B3GALT1: variants seen among roughly 807,000 people sequenced by gnomAD.
B3GALT1 encodes the protein beta-1,3-galactosyltransferase 1.
A neutral mutation model predicts 23.2 loss-of-function variants in B3GALT1; 10 were observed. The observed-to-expected ratio is 0.43, with a 90% CI of 0.27 to 0.73. The LOEUF (loss-of-function observed/expected upper bound fraction) is 0.73, where lower values mean the gene tolerates loss of function less well. Ranked by LOEUF, B3GALT1 falls within the 30% of genes least tolerant of loss-of-function variation. The pLI is 0.21. For missense variants in B3GALT1, 299 were observed against 405.4 expected (o/e 0.74, Z 2.25); for synonymous variants, 156 against 141.5 (o/e 1.10, Z -0.73).
intron 1 of B3GALT1, among the ~76,000 whole-genome samples, chr2:167,373,084 G>T (rs905542604): frequency 6.6e-6 from 1 of 151,970 alleles, no homozygotes; most frequent in East Asian, 1.9e-4. Context: ...ATAGCCAATT[G>T]ATTTTTACAT....
intron 1 of B3GALT1, among the ~76,000 whole-genome samples, chr2:167,484,499 C>T (rs1699598243): frequency 1.3e-5 from 2 of 152,018 alleles, no homozygotes; most frequent in South Asian, 4.1e-4. Flanking sequence ...TTGTTTGAAT[C>T]CATAAAAGTG....
At chr2:167,515,236 T>G (rs1700082250) in intron 2 of B3GALT1, among the ~76,000 whole-genome samples, 1 of 152,156 alleles carries the variant, frequency 6.6e-6, no homozygotes, top group African/African-American at 2.4e-5. Flanking sequence ...GATTTTCCTC[T>G]AGAGGTAAGT....
intron 1 of B3GALT1, among the ~76,000 whole-genome samples, chr2:167,383,527 C>T (rs1240814830): frequency 1.3e-5 from 2 of 152,126 alleles, no homozygotes; most frequent in African/African-American, 4.8e-5. Context: ...ACTACTGCCT[C>T]TGAATTTCTT....
intron 2 of B3GALT1, among the ~76,000 whole-genome samples, chr2:167,515,965 A>T (rs1433196537): frequency 6.6e-6 from 1 of 152,122 alleles, no homozygotes; most frequent in East Asian, 1.9e-4. Flanking sequence ...TATTCAGCGT[A>T]TTCTAGCAAT....
intron 1 of B3GALT1, among the ~76,000 whole-genome samples, chr2:167,446,290 C>G (rs1457412786): frequency 6.6e-6 from 1 of 152,174 alleles, no homozygotes; most frequent in Non-Finnish European, 1.5e-5. Flanking sequence ...TCTGGCTTCC[C>G]TTAACATTTT....
intron 2 of B3GALT1, among the ~76,000 whole-genome samples, chr2:167,517,788 A>T (rs1700127538): frequency 6.6e-6 from 1 of 152,106 alleles, no homozygotes. Context: ...GAATAATTCC[A>T]CAGACAATAC....
chr2:167,789,911 G>A (rs749872932), intron 3 of B3GALT1, among the ~76,000 whole-genome samples: 4 of 152,048 alleles, frequency 2.6e-5, no homozygotes, highest in Non-Finnish European at 4.4e-5. Flanking sequence ...GTGACCGTGC[G>A]GTAGGCCCAC....
At chr2:167,517,247 G>T (rs1700111905) in intron 2 of B3GALT1, among the ~76,000 whole-genome samples, 2 of 151,634 alleles carry the variant, frequency 1.3e-5, no homozygotes, top group African/African-American at 2.4e-5. Flanking sequence ...CATCTAGAAA[G>T]AAATCTAATA....
chr2:167,612,896 T>C (rs1685092772), intron 2 of B3GALT1, among the ~76,000 whole-genome samples: 1 of 152,010 alleles, frequency 6.6e-6, no homozygotes, highest in African/African-American at 2.4e-5. Flanking sequence ...GAAATAATTG[T>C]TTGTCCTGAT....
At chr2:167,696,206 C>T (rs905805508) in intron 3 of B3GALT1, among the ~76,000 whole-genome samples, 1 of 138,926 alleles carries the variant, frequency 7.2e-6, no homozygotes, top group South Asian at 2.4e-4. Context: ...GACAGAGTAA[C>T]ATAAAAATAC....
intron 2 of B3GALT1, among the ~76,000 whole-genome samples, chr2:167,572,266 G>A (rs531187512): frequency 1.1e-3 from 171 of 151,674 alleles, no homozygotes; most frequent in Middle Eastern, 3.4e-3. Context: ...AACTTTCCAC[G>A]GAAAATATGT....
At chr2:167,317,807 A>G (rs1053014409) in intron 1 of B3GALT1, among the ~76,000 whole-genome samples, 2 of 152,090 alleles carry the variant, frequency 1.3e-5, no homozygotes, top group Non-Finnish European at 2.9e-5. Flanking sequence ...AGACTATTTC[A>G]TGTAAATGTG....
chr2:167,825,563 G>A (rs137981132), intron 4 of B3GALT1, among the ~76,000 whole-genome samples: 22 of 151,104 alleles, frequency 1.5e-4, no homozygotes, highest in Admixed American at 7.3e-4. Flanking sequence ...CTAATTCCAC[G>A]TTGTCAGACT....
intron 3 of B3GALT1, among the ~76,000 whole-genome samples, chr2:167,677,986 A>C (rs1261706784): frequency 2.0e-5 from 3 of 152,136 alleles, no homozygotes; most frequent in Non-Finnish European, 4.4e-5. Context: ...CCCATGATCT[A>C]ATCACCTTCC....
intron 4 of B3GALT1, among the ~76,000 whole-genome samples, chr2:167,845,675 T>C (rs1330068930): frequency 6.6e-6 from 1 of 151,894 alleles, no homozygotes; most frequent in African/African-American, 2.4e-5. Flanking sequence ...CCTGGTAATA[T>C]GACAAAACAA....
At chr2:167,503,794 C>T (rs1460364700) in intron 2 of B3GALT1, among the ~76,000 whole-genome samples, 1 of 152,136 alleles carries the variant, frequency 6.6e-6, no homozygotes, top group East Asian at 1.9e-4. Context: ...CCTTGATGCC[C>T]ATCCACTTGC....
At chr2:167,557,124 T>A (rs904652919) in intron 2 of B3GALT1, among the ~76,000 whole-genome samples, 4 of 152,160 alleles carry the variant, frequency 2.6e-5, no homozygotes, top group Non-Finnish European at 5.9e-5. Context: ...AAGCTGGTTA[T>A]CTACATAAGT....
intron 1 of B3GALT1, among the ~76,000 whole-genome samples, chr2:167,396,229 G>A (rs2617383): frequency 0.8 from 121,815 of 152,040 alleles, 51,016 homozygotes; most frequent in East Asian, 0.92. Context: ...ATGGGAAACC[G>A]TTGAATGGAA....
At chr2:167,681,236 C>T (rs1161453353) in intron 3 of B3GALT1, among the ~76,000 whole-genome samples, 4 of 152,036 alleles carry the variant, frequency 2.6e-5, no homozygotes, top group Non-Finnish European at 4.4e-5. Flanking sequence ...AGTGAAGTTG[C>T]AGCCATCAGA....
Sources: gnomAD v4.1 joint callset for allele counts (sites outside exome capture counted in the v4.1 genomes callset) on GRCh38, gnomAD v4.1.1 for gene constraint, MANE v1.5 for transcripts, NCBI Gene and HGNC (gene_info 2026-07-23, HGNC 2026-07-21) for gene names.